CORIN: variants seen among roughly 807,000 people sequenced by gnomAD.
CORIN encodes atrial natriuretic peptide-converting enzyme.
In CORIN, 117 loss-of-function variants were observed where a neutral mutation model predicts 125.3. The ratio of observed to expected loss-of-function variants is 0.93; its 90% CI spans 0.80 to 1.09. The LOEUF (loss-of-function observed/expected upper bound fraction) is 1.09, where lower values mean the gene tolerates loss of function less well. Among genes scored for constraint, CORIN ranks in the 50% least tolerant of loss-of-function variants. The probability of loss-of-function intolerance (pLI) is 0.00; values close to 1 mark genes in which losing one functional copy is unlikely to be tolerated. For synonymous variants in CORIN, 450 were observed against 466.4 expected, an observed-to-expected ratio of 0.96 and a Z score of 0.45; for missense variants, 1,253 against 1,306.7, an observed-to-expected ratio of 0.96 and a Z score of 0.63.
intron 12 of CORIN, among the ~76,000 whole-genome samples, chr4:47,660,955 A>G (rs1470236109): frequency 2.0e-5 from 3 of 152,258 alleles, no homozygotes; most frequent in Admixed American, 2.0e-4. Flanking sequence ...GAATGGTTAA[A>G]GAAAATGTGG....
chr4:47,728,130 A>G (rs548831637), intron 5 of CORIN, among the ~76,000 whole-genome samples: 1 of 152,274 alleles, frequency 6.6e-6, no homozygotes, highest in South Asian at 2.1e-4. Flanking sequence ...TCACAATGCT[A>G]TTTAGCAGAA....
At chr4:47,694,853 GA>G (rs61761802) in intron 5 of CORIN, among the ~76,000 whole-genome samples, 3,358 of 151,628 alleles carry the variant, frequency 0.022, 122 homozygotes, top group African/African-American at 0.076. Context: ...CCATAAAGCA[GA>G]AAAAAAACAA....
chr4:47,782,721 A>G (rs1424790797), intron 3 of CORIN, among the ~76,000 whole-genome samples: 2 of 152,232 alleles, frequency 1.3e-5, no homozygotes, highest in African/African-American at 2.4e-5. Context: ...AGCACTAAAA[A>G]GAAATGAAAT....
chr4:47,804,032 A>G (rs1449033973), intron 2 of CORIN, among the ~76,000 whole-genome samples: 3 of 152,250 alleles, frequency 2.0e-5, no homozygotes, highest in South Asian at 2.1e-4. Flanking sequence ...ATCCCACTTA[A>G]AAATGGGCAA....
chr4:47,615,826 T>A (rs1010046148), intron 19 of CORIN, among the ~76,000 whole-genome samples: 2 of 148,722 alleles, frequency 1.3e-5, no homozygotes, highest in African/African-American at 4.9e-5. Context: ...AGGAAATAAA[T>A]AGTCCAGAAG....
intron 3 of CORIN, among the ~76,000 whole-genome samples, chr4:47,777,279 G>A (rs998907951): frequency 3.3e-5 from 5 of 152,198 alleles, no homozygotes; most frequent in African/African-American, 1.2e-4. Context: ...ACACAGGCAT[G>A]AGAATGGGTT....
chr4:47,757,551 C>T (rs1729207001), intron 4 of CORIN, among the ~76,000 whole-genome samples: 1 of 151,942 alleles, frequency 6.6e-6, no homozygotes, highest in South Asian at 2.1e-4. Flanking sequence ...GCCGAGATCA[C>T]ACTACTACAC....
At chr4:47,735,611 A>C (rs1362908590) in intron 5 of CORIN, among the ~76,000 whole-genome samples, 1 of 152,122 alleles carries the variant, frequency 6.6e-6, no homozygotes, top group Non-Finnish European at 1.5e-5. Context: ...GTGGCATTTT[A>C]GTTTGTTATT....
chr4:47,696,287 C>T (rs1197707050), intron 5 of CORIN, among the ~76,000 whole-genome samples: 1 of 152,098 alleles, frequency 6.6e-6, no homozygotes, highest in East Asian at 1.9e-4. Context: ...AGAAGTCATG[C>T]TATACAATCT....
chr4:47,630,712 ATC>A (rs1054324171), intron 16 of CORIN, among the ~76,000 whole-genome samples: 1 of 152,214 alleles, frequency 6.6e-6, no homozygotes, highest in Non-Finnish European at 1.5e-5. Flanking sequence ...TGACAAACAC[ATC>A]TGTTAGGTTC....
At chr4:47,832,029 C>T (rs1324707767) in intron 1 of CORIN, among the ~76,000 whole-genome samples, 7 of 152,146 alleles carry the variant, frequency 4.6e-5, no homozygotes, top group East Asian at 1.9e-4. Context: ...GTGGATCTTT[C>T]CCCCAAACAT....
chr4:47,653,026 A>G (rs1031259909), intron 13 of CORIN, among the ~76,000 whole-genome samples: 24 of 152,318 alleles, frequency 1.6e-4, no homozygotes, highest in Middle Eastern at 3.4e-3. Flanking sequence ...TTCAGTTTCC[A>G]CAGTTTCAGT....
chr4:47,597,019 C>T (rs542823214), intron 21 of CORIN, among the ~76,000 whole-genome samples: 1 of 152,260 alleles, frequency 6.6e-6, no homozygotes, highest in South Asian at 2.1e-4. Context: ...TACTAGGCTA[C>T]CCTGCTTCTT....
At chr4:47,797,215 A>AATATAAT (rs1731334573) in intron 2 of CORIN, among the ~76,000 whole-genome samples, 2 of 148,258 alleles carry the variant, frequency 1.3e-5, no homozygotes, top group African/African-American at 2.4e-5. Context: ...TATAATATAT[A>AATATAAT]ATATAATATA....
At chr4:47,742,779 C>T (rs1728470318) in intron 5 of CORIN, among the ~76,000 whole-genome samples, 1 of 151,848 alleles carries the variant, frequency 6.6e-6, no homozygotes, top group African/African-American at 2.4e-5. Flanking sequence ...ACATTAAACG[C>T]AAAGGGCCAA....
intron 13 of CORIN, among the ~76,000 whole-genome samples, chr4:47,646,513 G>C (rs1241455769): frequency 6.6e-6 from 1 of 152,220 alleles, no homozygotes; most frequent in Non-Finnish European, 1.5e-5. Flanking sequence ...CATGTGCAGT[G>C]CATTTCATAT....
Position 47,623,096 on chromosome 4 carries a change from C to CTCTCTCTCTA in CORIN, c.2540+474_2540+475insTAGAGAGAGA, listed in dbSNP as rs771867590. 6.6e-3 allele frequency among the ~76,000 whole-genome samples: 675 copies of CTCTCTCTCTA among 102,216 alleles called. 13 individuals carry two copies. The highest frequency in any genetic ancestry group is 0.06 in the East Asian group (151 of 2,516). 67.1% of individuals were successfully genotyped at this position (102,216 alleles called of 152,430 possible). ...TCTCTCTCTCTCTCTCTCTCTCTCT[C>CTCTCTCTCTA]TATATATATATATATATATATACAC... On this transcript the variant is annotated intron_variant, in intron 19 of 21. Transcript: ENST00000273857.
In CORIN at chr4:47,674,292, TG is replaced by T. The variant is rs1248977768; in HGVS notation, c.1357+100del. 4.8e-6 allele frequency: 4 copies of T among 836,032 alleles called. No individual in the cohort carries two copies. The African/African-American group carries it at 6.8e-5, about 14-fold the overall frequency. 51.8% of individuals were successfully genotyped at this position (836,032 alleles called of 1,614,324 possible). On this transcript the variant is annotated intron_variant, in intron 10 of 21. Coordinates refer to ENST00000273857, the MANE Select transcript of CORIN (RefSeq NM_006587.4). The stretch of plus-strand genomic sequence containing the variant: ...GAAAAAGAAAATAGGTAGGCTTTTT[TG>T]GAGGGATTCCAGACTTCAGTATTTG...
intron 5 of CORIN, among the ~76,000 whole-genome samples, chr4:47,717,075 C>G (rs1727125086): frequency 6.6e-6 from 1 of 152,080 alleles, no homozygotes; most frequent in Non-Finnish European, 1.5e-5. Context: ...AAAATACCTA[C>G]CCTTGAACAA....
Sources: allele counts gnomAD v4.1 joint callset (sites outside exome capture counted in the v4.1 genomes callset), GRCh38; gene constraint gnomAD v4.1.1; transcripts MANE v1.5; gene names NCBI Gene and HGNC (gene_info 2026-07-23, HGNC 2026-07-21).